Variants in ADCY5 observed in about 807,000 individuals in gnomAD.
The protein encoded by ADCY5 is adenylate cyclase type 5.
Under a neutral mutation model 119.7 loss-of-function variants are expected in ADCY5, and 30 were observed. The ratio of observed to expected loss-of-function variants is 0.25; its 90% confidence interval spans 0.19 to 0.34. The LOEUF is 0.34. Among genes scored for constraint, ADCY5 ranks in the 10% least tolerant of loss-of-function variants. The pLI is 1.00. For missense variants in ADCY5, 1,324 were observed against 1,775.2 expected (o/e 0.75, Z 4.57); for synonymous variants, 753 against 762.2 (o/e 0.99, Z 0.20).
chr3:123,355,232 A>C (rs1316092586), intron 1 of ADCY5, among the ~76,000 whole-genome samples: 1 of 152,238 alleles, frequency 6.6e-6, no homozygotes, highest in Non-Finnish European at 1.5e-5. Flanking sequence ...AAACTACCAG[A>C]ATTAATATGC....
intron 12 of ADCY5, among the ~76,000 whole-genome samples, chr3:123,312,440 C>T (rs1453422577): frequency 6.6e-6 from 1 of 151,102 alleles, no homozygotes; most frequent in Non-Finnish European, 1.5e-5. Flanking sequence ...TTTAAGCGTA[C>T]CATTCAGTGG....
chr3:123,428,949 T>G (rs1222539749), intron 1 of ADCY5, among the ~76,000 whole-genome samples: 1 of 152,242 alleles, frequency 6.6e-6, no homozygotes, highest in African/African-American at 2.4e-5. Flanking sequence ...TTTTTAACTG[T>G]GCAACCTTAA....
At chr3:123,295,466 C>T (rs995189775) in intron 17 of ADCY5, among the ~76,000 whole-genome samples, 1 of 152,244 alleles carries the variant, frequency 6.6e-6, no homozygotes, top group Non-Finnish European at 1.5e-5. Flanking sequence ...ACAGGCACCC[C>T]TTCCTCCAGG....
Position 123,447,403 on chromosome 3 carries a change from G to A in ADCY5, c.1134+9C>T, listed in dbSNP as rs755004487. On this transcript the variant is annotated intron_variant, in intron 1 of 20. Coordinates refer to ENST00000462833, the MANE Select transcript of ADCY5 (RefSeq NM_183357.3). ...GCAATCCAGTCCCGGTGGCCAGGTCGGCCCCTACCTGCTTCAGCAGGAACT... is the reference window on the plus strand; with the variant it reads ...GCAATCCAGTCCCGGTGGCCAGGTCAGCCCCTACCTGCTTCAGCAGGAACT... 1.7e-5 allele frequency: 26 copies of A among 1,545,892 alleles called. No homozygotes were observed. Among genetic ancestry groups the A allele is most frequent in the Non-Finnish European group, 2.3e-5 (26 of 1,143,838 alleles).
chr3:123,431,991 G>A (rs1453474038), intron 1 of ADCY5, among the ~76,000 whole-genome samples: 1 of 152,124 alleles, frequency 6.6e-6, no homozygotes, highest in African/African-American at 2.4e-5. Flanking sequence ...CACTGCCGAC[G>A]TACCTGGGCA....
intron 11 of ADCY5, among the ~76,000 whole-genome samples, chr3:123,314,544 C>A (rs1044537712): frequency 3.9e-5 from 6 of 152,214 alleles, no homozygotes; most frequent in Non-Finnish European, 2.9e-5. Context: ...GCTTACACGG[C>A]CTTGCAGGTG....
chr3:123,289,412 T>A (rs1277477418), intron 19 of ADCY5, among the ~76,000 whole-genome samples: 1 of 152,172 alleles, frequency 6.6e-6, no homozygotes, highest in Non-Finnish European at 1.5e-5. Flanking sequence ...GCACAGAGCA[T>A]CCCCCACAAA....
intron 3 of ADCY5, among the ~76,000 whole-genome samples, chr3:123,339,635 A>C (rs1443956677): frequency 2.0e-5 from 3 of 152,152 alleles, no homozygotes; most frequent in African/African-American, 7.2e-5. Flanking sequence ...AACCAAGACA[A>C]GGGGCTGTCA....
intron 1 of ADCY5, chr3:123,416,135 C>T: frequency 1.3e-6 from 2 of 1,532,808 alleles, no homozygotes; most frequent in Non-Finnish European, 8.7e-7. Context: ...GGAGAATCAG[C>T]AGAAAGGGAC....
intron 1 of ADCY5, among the ~76,000 whole-genome samples, chr3:123,402,179 G>A (rs1559863689): frequency 6.6e-6 from 1 of 152,226 alleles, no homozygotes; most frequent in African/African-American, 2.4e-5. Context: ...GGCTTAGGGA[G>A]GGTTCCAACA....
intron 1 of ADCY5, chr3:123,419,174 C>T (rs1945249818): frequency 1.0e-6 from 1 of 985,334 alleles, no homozygotes; most frequent in Non-Finnish European, 1.2e-6. Context: ...ACCGCATCCC[C>T]TCCCCTCATC....
rs192505192 is a variant in ADCY5, at chr3:123,427,060, G to A, written c.1134+20352C>T. 3.9e-5 allele frequency among the ~76,000 whole-genome samples: 6 copies of A among 152,262 alleles called. No individual in the cohort carries two copies. The East Asian group carries it at 1.2e-3, about 29-fold the overall frequency. ...AGGATCTCCTGATTGGGGGACATTAGGGACAAGCTTTAGTGCCACTGGTAA... is the reference window on the plus strand; with the variant it reads ...AGGATCTCCTGATTGGGGGACATTAAGGACAAGCTTTAGTGCCACTGGTAA... On this transcript the variant is annotated intron_variant, in intron 1 of 20. Coordinates refer to ENST00000462833, the MANE Select transcript of ADCY5 (RefSeq NM_183357.3).
intron 3 of ADCY5, among the ~76,000 whole-genome samples, chr3:123,342,623 G>T (rs1046954347): frequency 6.6e-6 from 1 of 152,146 alleles, no homozygotes; most frequent in Non-Finnish European, 1.5e-5. Flanking sequence ...TTAGGCAAAG[G>T]ACCAGCACCC....
intron 1 of ADCY5, among the ~76,000 whole-genome samples, chr3:123,441,555 C>T (rs1446638018): frequency 6.6e-6 from 1 of 152,196 alleles, no homozygotes; most frequent in East Asian, 1.9e-4. Flanking sequence ...ACAAGCCTAC[C>T]CTTGGGAGCA....
rs774264918 is a variant in ADCY5 at position 123,396,727 on chromosome 3, GAGGAAGGAAGGAAGGAAGGAAGGAAGGA to G, written c.1135-44174_1135-44147del. Among the ~76,000 whole-genome samples the G allele has an allele frequency of 3.5e-4, 16 of 45,662 alleles. No homozygotes were observed. In the South Asian group the frequency reaches 4.2e-3, roughly 12 times the overall value. 30.0% of individuals were successfully genotyped at this position (45,662 alleles called of 152,430 possible). A position where few individuals can be genotyped will look rare whatever the true frequency, so the allele number is the denominator to read the frequency against. ...GGGAGGGAGGGAGAGAGAAGGGAGG[GAGGAAGGAAGGAAGGAAGGAAGGAAGGA>G]AGGAAGGAAGGAAGGAAGGAAGGAA... On this transcript the variant is annotated intron_variant, in intron 1 of 20. Transcript: ENST00000462833.
At chr3:123,355,638 T>C (rs181113197) in intron 1 of ADCY5, among the ~76,000 whole-genome samples, 5 of 143,988 alleles carry the variant, frequency 3.5e-5, no homozygotes, top group African/African-American at 1.3e-4. Context: ...AGTAGAAATC[T>C]AAAAAAAAAA....
At chr3:123,410,575 T>C (rs1454901385) in intron 1 of ADCY5, among the ~76,000 whole-genome samples, 2 of 152,104 alleles carry the variant, frequency 1.3e-5, no homozygotes, top group Non-Finnish European at 2.9e-5. Flanking sequence ...GAATGAAATC[T>C]AACAGGACAC....
At chr3:123,289,430 G>A (rs1938997986) in intron 19 of ADCY5, among the ~76,000 whole-genome samples, 1 of 152,236 alleles carries the variant, frequency 6.6e-6, no homozygotes, top group South Asian at 2.1e-4. Context: ...AAAGCCCTTC[G>A]AGCAGGCACA....
At chr3:123,309,520 C>T (rs1180030879) in intron 12 of ADCY5, among the ~76,000 whole-genome samples, 1 of 152,182 alleles carries the variant, frequency 6.6e-6, no homozygotes, top group Non-Finnish European at 1.5e-5. Context: ...CTAGAAAAAG[C>T]TGTCTAACCT....
Sources: gnomAD v4.1 joint callset for allele counts (sites outside exome capture counted in the v4.1 genomes callset) on GRCh38, gnomAD v4.1.1 for gene constraint, MANE v1.5 for transcripts, NCBI Gene and HGNC (gene_info 2026-07-23, HGNC 2026-07-21) for gene names.